DLGAP2: variants seen among roughly 807,000 people sequenced by gnomAD.
DLGAP2 encodes DLG associated protein 2.
DLGAP2 carries 26 observed loss-of-function variants against 100.3 expected under a neutral mutation model. The observed-to-expected ratio is 0.26, with a 90% CI of 0.19 to 0.36. The LOEUF (loss-of-function observed/expected upper bound fraction) is 0.36, where lower values mean the gene tolerates loss of function less well. DLGAP2 is among the 10% of genes least tolerant of loss of function. The pLI is 1.00. For missense variants in DLGAP2, 1,858 were observed against 1,453.2 expected (o/e 1.28, Z -4.53); for synonymous variants, 886 against 630.1 (o/e 1.41, Z -6.08).
At position 834,105 on chromosome 8, in the gene DLGAP2, A is replaced by G. The variant is rs117700884; in HGVS notation, c.19-73807A>G. 4.5e-3 allele frequency among the ~76,000 whole-genome samples: 681 copies of G among 152,230 alleles called. 1 individual carries two copies. Among genetic ancestry groups the G allele is most frequent in the Non-Finnish European group, 7.2e-3 (492 of 68,016 alleles). ...CAGGGCTGAATCACGTTCCCAGGCA[A>G]CTCAGCGTTGCCTAGTACAGCAAGC... On this transcript the variant is annotated intron_variant, in intron 1 of 14. Coordinates refer to ENST00000637795, the MANE Select transcript of DLGAP2 (RefSeq NM_001346810.2).
intron 6 of DLGAP2, among the ~76,000 whole-genome samples, chr8:1,618,477 G>A (rs1399905136): frequency 6.6e-6 from 1 of 152,140 alleles, no homozygotes; most frequent in East Asian, 1.9e-4. Context: ...ACTGAGGTAT[G>A]GATTCAGTGC....
intron 2 of DLGAP2, among the ~76,000 whole-genome samples, chr8:933,575 A>G (rs574148990): frequency 1.0e-5 from 1 of 95,426 alleles, no homozygotes; most frequent in Non-Finnish European, 2.1e-5. Flanking sequence ...TGCTGTGGAG[A>G]CATCTGGCCG....
chr8:1,199,942 C>A (rs1242290095), intron 2 of DLGAP2, among the ~76,000 whole-genome samples: 3 of 152,018 alleles, frequency 2.0e-5, no homozygotes, highest in Non-Finnish European at 4.4e-5. Flanking sequence ...AGGATTCCCC[C>A]CCACAACCCC....
intron 1 of DLGAP2, among the ~76,000 whole-genome samples, chr8:814,469 G>A (rs566809699): frequency 6.6e-6 from 1 of 152,286 alleles, no homozygotes; most frequent in East Asian, 1.9e-4. Context: ...ATGTCCTGAG[G>A]ATGTATTACT....
intron 11 of DLGAP2, among the ~76,000 whole-genome samples, chr8:1,677,172 G>A (rs894385612): frequency 2.0e-5 from 3 of 152,180 alleles, no homozygotes; most frequent in African/African-American, 7.2e-5. Context: ...ATTACATGGT[G>A]AGGGCTCAGC....
intron 1 of DLGAP2, among the ~76,000 whole-genome samples, chr8:782,398 C>T (rs145730137): frequency 1.6e-4 from 25 of 152,214 alleles, no homozygotes; most frequent in African/African-American, 5.8e-4. Context: ...TATATTAATA[C>T]ATACTCTCTC....
At chr8:755,735 G>A (rs563283423) in intron 1 of DLGAP2, among the ~76,000 whole-genome samples, 52 of 152,318 alleles carry the variant, frequency 3.4e-4, no homozygotes, top group Non-Finnish European at 7.1e-4. Context: ...GGGGCCCCAT[G>A]TGTGTCAGAT....
At chr8:930,518 C>T (rs1798930927) in intron 2 of DLGAP2, among the ~76,000 whole-genome samples, 2 of 152,192 alleles carry the variant, frequency 1.3e-5, no homozygotes, top group Non-Finnish European at 2.9e-5. Flanking sequence ...GACTTCAATG[C>T]TGAGTCTTTT....
chr8:1,094,357 C>G (rs888281737), intron 2 of DLGAP2, among the ~76,000 whole-genome samples: 5 of 152,206 alleles, frequency 3.3e-5, no homozygotes, highest in Non-Finnish European at 5.9e-5. Context: ...TAGAAAGTCA[C>G]AAGGTGGGTC....
At chr8:785,874 C>T (rs180672599) in intron 1 of DLGAP2, among the ~76,000 whole-genome samples, 1 of 141,418 alleles carries the variant, frequency 7.1e-6, no homozygotes, top group African/African-American at 2.7e-5. Flanking sequence ...GGCCTCCCTC[C>T]TCCCTCACCC....
At chr8:1,362,094 G>T (rs1387395055) in intron 3 of DLGAP2, among the ~76,000 whole-genome samples, 1 of 74,142 alleles carries the variant, frequency 1.3e-5, no homozygotes, top group Non-Finnish European at 2.5e-5. Context: ...GTACAGCTGG[G>T]ACTCGGGGAG....
At chr8:1,187,330 G>A (rs1253089577) in intron 2 of DLGAP2, among the ~76,000 whole-genome samples, 10 of 135,654 alleles carry the variant, frequency 7.4e-5, no homozygotes, top group South Asian at 2.5e-4. Flanking sequence ...TCCCTCACAC[G>A]CCCAGGACCT....
intron 2 of DLGAP2, among the ~76,000 whole-genome samples, chr8:1,130,805 G>A (rs552115561): frequency 7.1e-6 from 1 of 140,592 alleles, no homozygotes; most frequent in African/African-American, 2.5e-5. Flanking sequence ...CCCCAGCTCT[G>A]CAGCGGCTGG....
At chr8:1,366,552 G>A (rs936355068) in intron 3 of DLGAP2, among the ~76,000 whole-genome samples, 2 of 152,222 alleles carry the variant, frequency 1.3e-5, no homozygotes, top group Non-Finnish European at 2.9e-5. Context: ...GGACAAGGCA[G>A]AGGTGTGAGG....
intron 7 of DLGAP2, 148 bp from the exon 8 acceptor site, chr8:1,632,679 C>T: frequency 2.8e-6 from 2 of 709,982 alleles, no homozygotes; most frequent in East Asian, 2.7e-5. Flanking sequence ...CCAAGCTCAG[C>T]CGATGCCCAT....
intron 7 of DLGAP2, among the ~76,000 whole-genome samples, chr8:1,632,602 T>A (rs1797674641): frequency 6.6e-6 from 1 of 152,224 alleles, no homozygotes; most frequent in Non-Finnish European, 1.5e-5. Flanking sequence ...CCCCCAGAAT[T>A]TCATCAACAC....
intron 8 of DLGAP2, among the ~76,000 whole-genome samples, chr8:1,635,471 G>C (rs751113598): frequency 6.6e-6 from 1 of 152,192 alleles, no homozygotes; most frequent in Non-Finnish European, 1.5e-5. Flanking sequence ...TTCAATAGCT[G>C]TCATTTACTG....
chr8:1,278,539 T>C (rs1211786070), intron 3 of DLGAP2, among the ~76,000 whole-genome samples: 1 of 152,220 alleles, frequency 6.6e-6, no homozygotes, highest in Non-Finnish European at 1.5e-5. Context: ...AGGAACTTGA[T>C]GAATCTTTAA....
At chr8:924,740 G>T (rs1798779126) in intron 2 of DLGAP2, among the ~76,000 whole-genome samples, 1 of 151,910 alleles carries the variant, frequency 6.6e-6, no homozygotes, top group Non-Finnish European at 1.5e-5. Flanking sequence ...GCACCACCAT[G>T]CCTGGCTATT....
Sources: allele counts gnomAD v4.1 joint callset (sites outside exome capture counted in the v4.1 genomes callset), GRCh38; gene constraint gnomAD v4.1.1; transcripts MANE v1.5; gene names NCBI Gene and HGNC (gene_info 2026-07-23, HGNC 2026-07-21).